Variants in SUPT3H observed in about 807,000 individuals in gnomAD.
SUPT3H encodes the protein SPT3 homolog, SAGA and STAGA complex component.
In SUPT3H, 44 loss-of-function variants were observed where a neutral mutation model predicts 44.3. That is an observed-to-expected ratio of 0.99 (90% CI 0.78 to 1.28). The LOEUF (loss-of-function observed/expected upper bound fraction) is 1.28, where lower values mean the gene tolerates loss of function less well. Among genes scored for constraint, SUPT3H ranks in the 50% most tolerant of loss-of-function variants. The probability of loss-of-function intolerance (pLI) is 0.00; values close to 1 mark genes in which losing one functional copy is unlikely to be tolerated. For missense variants in SUPT3H, 380 were observed against 387.1 expected (o/e 0.98, Z 0.15); for synonymous variants, 124 against 125.6 (o/e 0.99, Z 0.09).
intron 10 of SUPT3H, among the ~76,000 whole-genome samples, chr6:44,830,919 C>G (rs756218532): frequency 7.1e-6 from 1 of 140,896 alleles, no homozygotes; most frequent in African/African-American, 2.9e-5. Context: ...TAACCTTTTA[C>G]GATCAAGATA....
At chr6:44,824,153 C>T (rs747721819), downstream of SUPT3H, among the ~76,000 whole-genome samples, 1 of 152,198 alleles carries the variant, frequency 6.6e-6, no homozygotes, top group Non-Finnish European at 1.5e-5. Flanking sequence ...GTGTAACAGA[C>T]TGTCTAAAGC....
At position 44,914,175 on chromosome 6, in the gene SUPT3H, A is replaced by T. The variant is rs58133262; in HGVS notation, c.912+18478T>A. On this transcript the variant is annotated intron_variant, in intron 10 of 10. Coordinates refer to ENST00000371459, the MANE Select transcript of SUPT3H (RefSeq NM_003599.4). The stretch of plus-strand genomic sequence containing the variant: ...AGTAACCATGAAGATTAAATGTTTT[A>T]TACATATTACCTAGTCACCTAAAAG... Among the ~76,000 whole-genome samples, 615 of 152,352 alleles carry T rather than the reference A, an allele frequency of 4.0e-3. 7 individuals are homozygous for T. Among genetic ancestry groups the T allele is most frequent in the African/African-American group, 0.014 (593 of 41,584 alleles).
At chr6:44,813,739 A>C (rs1766711352) in intron 11 of SUPT3H, among the ~76,000 whole-genome samples, 1 of 152,006 alleles carries the variant, frequency 6.6e-6, no homozygotes, top group Admixed American at 6.5e-5. Context: ...AGATGAGCTT[A>C]ATAGAATTTT....
At chr6:45,244,459 C>T (rs1169572430) in intron 2 of SUPT3H, among the ~76,000 whole-genome samples, 1 of 151,754 alleles carries the variant, frequency 6.6e-6, no homozygotes, top group Non-Finnish European at 1.5e-5. Context: ...CAATCTTATG[C>T]TCTCCTTCAT....
intron 3 of SUPT3H, among the ~76,000 whole-genome samples, chr6:45,102,062 T>A (rs185313916): frequency 9.2e-5 from 14 of 152,120 alleles, no homozygotes; most frequent in African/African-American, 3.4e-4. Context: ...ATTTTAGTTA[T>A]GGTTATAAGA....
Position 44,953,308 on chromosome 6 carries a change from A to T in SUPT3H, c.801+2T>A, listed in dbSNP as rs1240645457. The T allele has an allele frequency of 6.2e-7, 1 of 1,612,670 alleles. No individual in the cohort carries two copies. The highest frequency in any genetic ancestry group is 2.2e-5 in the East Asian group (1 of 44,850). On this transcript the variant is annotated splice_donor_variant, in intron 9 of 10. Transcript: ENST00000371459. LOFTEE classifies it high-confidence loss of function. The stretch of plus-strand genomic sequence containing the variant: ...TTTAAGACAGATTTTTTTTGTACTT[A>T]CCTCAGCAGAGTTGTGATACTGAAT...
intron 6 of SUPT3H, among the ~76,000 whole-genome samples, chr6:44,982,004 G>A (rs1210895685): frequency 6.6e-6 from 1 of 152,044 alleles, no homozygotes; most frequent in Non-Finnish European, 1.5e-5. Context: ...TCTCACTATT[G>A]TGCTCCAGCC....
chr6:44,904,750 C>A (rs149741231), intron 10 of SUPT3H, among the ~76,000 whole-genome samples: 1 of 152,110 alleles, frequency 6.6e-6, no homozygotes, highest in Non-Finnish European at 1.5e-5. Context: ...GGAGGCATCA[C>A]GCTACCTGAC....
At chr6:45,286,912 C>A (rs373281144) in intron 2 of SUPT3H, among the ~76,000 whole-genome samples, 8 of 152,106 alleles carry the variant, frequency 5.3e-5, no homozygotes, top group East Asian at 1.9e-4. Context: ...CTATGCAGCC[C>A]TAAAAAATGA....
intron 10 of SUPT3H, among the ~76,000 whole-genome samples, chr6:44,929,769 CTTT>C (rs35174513): frequency 2.5e-4 from 36 of 143,910 alleles, no homozygotes; most frequent in Admixed American, 7.6e-4. Context: ...CATGAGCTCC[CTTT>C]TTTTTTTTTT....
chr6:44,935,700 T>C (rs1397774462), intron 9 of SUPT3H, among the ~76,000 whole-genome samples: 1 of 152,224 alleles, frequency 6.6e-6, no homozygotes, highest in Non-Finnish European at 1.5e-5. Context: ...TGCTGGGTAT[T>C]AGAAGCTGAA....
chr6:45,091,941 T>C (rs1487025234), intron 3 of SUPT3H, among the ~76,000 whole-genome samples: 1 of 151,954 alleles, frequency 6.6e-6, no homozygotes, highest in Non-Finnish European at 1.5e-5. Flanking sequence ...TCAATACGCA[T>C]ACTGGGCTAA....
At chr6:44,885,430 C>T (rs922293011) in intron 10 of SUPT3H, among the ~76,000 whole-genome samples, 7 of 152,072 alleles carry the variant, frequency 4.6e-5, no homozygotes, top group African/African-American at 1.2e-4. Context: ...TCCAGAGGAA[C>T]GATCAGACAG....
At chr6:44,901,686 C>T (rs970852670) in intron 10 of SUPT3H, among the ~76,000 whole-genome samples, 1 of 151,564 alleles carries the variant, frequency 6.6e-6, no homozygotes, top group African/African-American at 2.4e-5. Context: ...CACAAAGATA[C>T]TCCTCGAGAA....
rs1780680311 is a variant in SUPT3H at position 45,293,768 on chromosome 6, C to A, written c.101+71433G>T. ...TGGATAAATTCTTGAAAAGATACAA[C>A]CTTCCTAGCTTAAATCAGGATAAAT... On this transcript the variant is annotated intron_variant, in intron 2 of 10. Transcript: ENST00000371459. Among the ~76,000 whole-genome samples the A allele has an allele frequency of 2.6e-5, 4 of 152,180 alleles. No homozygotes were observed. In the South Asian group the frequency reaches 8.3e-4, roughly 32 times the overall value.
chr6:44,994,447 C>A (rs1311759852), intron 6 of SUPT3H, among the ~76,000 whole-genome samples: 1 of 152,116 alleles, frequency 6.6e-6, no homozygotes. Context: ...AAGACCTTTA[C>A]ACTGAAGGAC....
chr6:44,823,896 G>C (rs934276681), downstream of SUPT3H, among the ~76,000 whole-genome samples: 1 of 152,182 alleles, frequency 6.6e-6, no homozygotes, highest in Admixed American at 6.5e-5. Flanking sequence ...CTGGGAGGTG[G>C]AGGTTGCAGT....
In SUPT3H at chr6:44,828,728, G is replaced by C. The variant is rs1261983360; in HGVS notation, c.*1088C>G. 2 of 152,250 alleles carry C rather than the reference G, an allele frequency of 1.3e-5. No individual in the cohort carries two copies. The highest frequency in any genetic ancestry group is 4.2e-4 in the South Asian group (2 of 4,810). The allele number at this position is 152,250 out of a possible 1,614,324, so 9.4% of individuals were successfully genotyped here. A position where few individuals can be genotyped will look rare whatever the true frequency, so the allele number is the denominator to read the frequency against. ...GAAAAAGGAGCAGTATCAAGAAAAA[G>C]ATCTTTCATGTTTCTCATTTCTGTT... is the stretch of plus-strand genomic sequence containing the variant. On this transcript the variant is annotated 3_prime_UTR_variant, in exon 11 of 11. Transcript: ENST00000371459.
Position 45,107,208 on chromosome 6 carries a change from A to G in SUPT3H, c.102-1202T>C, listed in dbSNP as rs73737886. On this transcript the variant is annotated intron_variant, in intron 2 of 10. Coordinates refer to ENST00000371459, the MANE Select transcript of SUPT3H (RefSeq NM_003599.4). ...AGTATGCTTTAACCAGCAGTAGGGA[A>G]GACAAAACCAAAGTCAGACAAGATG... 3.9e-3 allele frequency among the ~76,000 whole-genome samples: 592 copies of G among 152,326 alleles called. 7 individuals are homozygous for G. The highest frequency in any genetic ancestry group is 0.014 in the African/African-American group (564 of 41,578).
Sources: allele counts gnomAD v4.1 joint callset (sites outside exome capture counted in the v4.1 genomes callset), GRCh38; gene constraint gnomAD v4.1.1; transcripts MANE v1.5; gene names NCBI Gene and HGNC (gene_info 2026-07-23, HGNC 2026-07-21).